AFAP1: variants seen among roughly 807,000 people sequenced by gnomAD.
The protein encoded by AFAP1 is actin filament-associated protein 1.
Under a neutral mutation model 93.9 loss-of-function variants are expected in AFAP1, and 75 were observed. The observed-to-expected ratio is 0.80, with a 90% confidence interval of 0.66 to 0.97. AFAP1 has a LOEUF of 0.97. AFAP1 is among the 50% of genes least tolerant of loss of function. The pLI is 0.00. For missense variants in AFAP1, 1,201 were observed against 1,050.8 expected (o/e 1.14, Z -1.98); for synonymous variants, 517 against 430.7 (o/e 1.20, Z -2.48).
intron 3 of AFAP1, chr4:7,862,081 C>A (rs538047580): frequency 6.6e-6 from 1 of 152,240 alleles, no homozygotes; most frequent in East Asian, 1.9e-4. Flanking sequence ...ATCTGTAGTC[C>A]CCGCTACTCA....
intron 1 of AFAP1, among the ~76,000 whole-genome samples, chr4:7,927,969 G>A (rs575874247): frequency 3.9e-5 from 6 of 152,150 alleles, no homozygotes; most frequent in Admixed American, 3.3e-4. Context: ...GCCTCCCTCC[G>A]GCCTAAATGC....
intron 3 of AFAP1, among the ~76,000 whole-genome samples, chr4:7,863,448 G>T (rs181760968): frequency 3.6e-4 from 54 of 151,794 alleles, no homozygotes; most frequent in African/African-American, 1.2e-3. Flanking sequence ...AAAGAAAGAA[G>T]GAAAGAAAAT....
intron 1 of AFAP1, among the ~76,000 whole-genome samples, chr4:7,918,506 G>A (rs1247905488): frequency 2.2e-5 from 3 of 138,636 alleles, no homozygotes; most frequent in African/African-American, 8.3e-5. Context: ...CCCGCAAACA[G>A]GGCTGCCGGA....
intron 4 of AFAP1, among the ~76,000 whole-genome samples, chr4:7,853,254 C>T (rs1192856729): frequency 6.8e-6 from 1 of 147,852 alleles, no homozygotes; most frequent in African/African-American, 2.5e-5. Context: ...GCCAAGTTGA[C>T]CAAAGATAAA....
intron 10 of AFAP1, among the ~76,000 whole-genome samples, chr4:7,796,825 C>T (rs946594907): frequency 2.0e-5 from 3 of 150,468 alleles, no homozygotes; most frequent in Non-Finnish European, 2.9e-5. Context: ...TTTGGGAGAC[C>T]AAGGCGGGCA....
chr4:7,800,381 T>C, intron 10 of AFAP1, 61 bp downstream of exon 10: 1 of 1,563,728 alleles, frequency 6.4e-7, no homozygotes, highest in Non-Finnish European at 8.7e-7. Context: ...CATTCGCCTT[T>C]TGAAAGGAAG....
At position 7,760,442 on chromosome 4, in the gene AFAP1, C is replaced by G. The variant is rs900229222; in HGVS notation, c.*3323G>C. On this transcript the variant is annotated 3_prime_UTR_variant, in exon 18 of 18. Coordinates refer to ENST00000420658, the MANE Select transcript of AFAP1 (RefSeq NM_001134647.2). The stretch of plus-strand genomic sequence containing the variant: ...AGTGGCCCATGCTCCTGGGGTAAGT[C>G]TGGTGCCTGGGGTGACTCAGCAGAT... 6.6e-6 allele frequency: 1 copy of G among 151,074 alleles called. No individual in the cohort carries two copies. The highest frequency in any genetic ancestry group is 2.4e-5 in the African/African-American group (1 of 41,174). 9.4% of individuals were successfully genotyped at this position (151,074 alleles called of 1,614,324 possible). A position where few individuals can be genotyped will look rare whatever the true frequency, so the allele number is the denominator to read the frequency against.
At chr4:7,771,498 G>A (rs1402459522) in intron 16 of AFAP1, among the ~76,000 whole-genome samples, 4 of 152,218 alleles carry the variant, frequency 2.6e-5, no homozygotes, top group Non-Finnish European at 4.4e-5. Flanking sequence ...ACAAGCAATT[G>A]TTGGATGAGT....
intron 14 of AFAP1, chr4:7,775,742 C>CTCT (rs1716046082): frequency 6.6e-6 from 1 of 152,222 alleles, no homozygotes. Context: ...GCACGAATCC[C>CTCT]TCTGTGCCTC....
chr4:7,808,611 T>C (rs973130036), intron 9 of AFAP1, among the ~76,000 whole-genome samples: 3 of 152,132 alleles, frequency 2.0e-5, no homozygotes, highest in Admixed American at 6.5e-5. Context: ...GTTTGAGAAA[T>C]TGGTTCGGTC....
At position 7,758,879 on chromosome 4, in the gene AFAP1, T is replaced by C. The variant is rs1713378834; in HGVS notation, c.*4886A>G. On this transcript the variant is annotated 3_prime_UTR_variant, in exon 18 of 18. Transcript: ENST00000420658. The stretch of plus-strand genomic sequence containing the variant: ...AAAACTAGGATTTTCCTTGCAAGTT[T>C]CTTTTCATAAAATTTTTACTTTATG... The C allele has an allele frequency of 6.6e-6, 1 of 152,260 alleles. No homozygotes were observed. The highest frequency in any genetic ancestry group is 2.1e-4 in the South Asian group (1 of 4,830). 9.4% of individuals were successfully genotyped at this position (152,260 alleles called of 1,614,324 possible).
intron 1 of AFAP1, among the ~76,000 whole-genome samples, chr4:7,929,363 G>T (rs1279487292): frequency 1.3e-5 from 2 of 152,142 alleles, no homozygotes; most frequent in Non-Finnish European, 2.9e-5. Flanking sequence ...GAACATTAAT[G>T]ACATGGAGGT....
Position 7,797,727 on chromosome 4 carries a change from G to T in AFAP1, c.1266+2715C>A, listed in dbSNP as rs1052098361. 2.6e-5 allele frequency among the ~76,000 whole-genome samples: 4 copies of T among 152,356 alleles called. No individual in the cohort carries two copies. The East Asian group carries it at 7.7e-4, about 29-fold the overall frequency. ...GATCTAGGACTCAGACCAGCATGCTGTATGCATGGTAGTTTCCTGACTGTG... is the reference window on the plus strand; with the variant it reads ...GATCTAGGACTCAGACCAGCATGCTTTATGCATGGTAGTTTCCTGACTGTG... On this transcript the variant is annotated intron_variant, in intron 10 of 17. Coordinates refer to ENST00000420658, the MANE Select transcript of AFAP1 (RefSeq NM_001134647.2).
intron 10 of AFAP1, among the ~76,000 whole-genome samples, chr4:7,800,241 G>C (rs1190998070): frequency 2.7e-5 from 4 of 150,652 alleles, no homozygotes; most frequent in Non-Finnish European, 5.9e-5. Context: ...CGTCATTGTC[G>C]TATCTCCCAG....
chr4:7,772,573 G>C, intron 16 of AFAP1: 2 of 508,654 alleles, frequency 3.9e-6, no homozygotes, highest in Non-Finnish European at 7.0e-6. Context: ...TGTGCAAAGG[G>C]GAAAGACACA....
rs35550085 is a variant in AFAP1 at position 7,795,405 on chromosome 4, C to CTTTTTTTTTT, written c.1267-1589_1267-1580dup. 3.2e-5 allele frequency among the ~76,000 whole-genome samples: 2 copies of CTTTTTTTTTT among 62,082 alleles called. 1 individual carries two copies. The highest frequency in any genetic ancestry group is 1.5e-4 in the African/African-American group (2 of 12,908). The allele number at this position is 62,082 out of a possible 152,430, so 40.7% of individuals were successfully genotyped here. On this transcript the variant is annotated intron_variant, in intron 10 of 17. Coordinates refer to ENST00000420658, the MANE Select transcript of AFAP1 (RefSeq NM_001134647.2). Reference sequence around the variant, plus strand: ...TCTTATGTCCTTCCTAAAACAAAATCTTTTTTTTTTTTTTTTTTTTTTTTT... The same window carrying CTTTTTTTTTT: ...TCTTATGTCCTTCCTAAAACAAAATCTTTTTTTTTTTTTTTTTTTTTTTTTTTTTTTTTTT...
In AFAP1 at chr4:7,843,121, C is replaced by T. The variant is rs376840522; in HGVS notation, c.546+18G>A. 90 of 1,610,292 alleles carry T rather than the reference C, an allele frequency of 5.6e-5. No homozygotes were observed. The highest frequency in any genetic ancestry group is 7.4e-5 in the Non-Finnish European group (87 of 1,177,860). On this transcript the variant is annotated intron_variant, in intron 5 of 17. Coordinates refer to ENST00000420658, the MANE Select transcript of AFAP1 (RefSeq NM_001134647.2). Reference sequence around the variant, plus strand: ...GCAGCAATCTTACAAAAAATGCAAGCGATTCCAAATGTCTTACCAGCAGTT... The same window carrying T: ...GCAGCAATCTTACAAAAAATGCAAGTGATTCCAAATGTCTTACCAGCAGTT...
chr4:7,793,762 G>A lies in AFAP1; in HGVS notation c.1331C>T (p.Thr444Ile). The change falls in exon 11 of 18, where the codon ACA becomes ATA. Residue 444 changes from threonine (T) to isoleucine (I), a missense_variant. Thr to Ile is a moderately conservative substitution (Grantham distance 89). Coordinates refer to ENST00000420658, the MANE Select transcript of AFAP1 (RefSeq NM_001134647.2). ...GILLAETGSS[T>I]DPEALHYDYI... ...GTCATAGTGCAGAGCCTCCGGGTCTGTGGACGATCCCGTCTCTGCGAGTAA... is the reference window on the plus strand; with the variant it reads ...GTCATAGTGCAGAGCCTCCGGGTCTATGGACGATCCCGTCTCTGCGAGTAA... 2.5e-6 allele frequency: 4 copies of A among 1,576,610 alleles called. No homozygotes were observed. The highest frequency in any genetic ancestry group is 1.1e-5 in the South Asian group (1 of 87,924).
At chr4:7,836,907 T>TAA (rs34078506) in intron 6 of AFAP1, among the ~76,000 whole-genome samples, 1 of 151,706 alleles carries the variant, frequency 6.6e-6, no homozygotes. Flanking sequence ...AAAGCTGTTA[T>TAA]AAAAAAAGAT....
Sources: allele counts gnomAD v4.1 joint callset (sites outside exome capture counted in the v4.1 genomes callset), GRCh38; gene constraint gnomAD v4.1.1; transcripts MANE v1.5; gene names NCBI Gene and HGNC (gene_info 2026-07-23, HGNC 2026-07-21).